The following DSC2 variants were observed in gnomAD, a reference collection of about 807,000 sequenced individuals.
DSC2 encodes desmocollin 2, also known as desmocollin-2.
In DSC2, 51 loss-of-function variants were observed where a neutral mutation model predicts 87.6. The observed-to-expected ratio is 0.58, with a 90% CI of 0.46 to 0.74. The LOEUF (loss-of-function observed/expected upper bound fraction) is 0.74, where lower values mean the gene tolerates loss of function less well. Among genes scored for constraint, DSC2 ranks in the 30% least tolerant of loss-of-function variants. The probability of loss-of-function intolerance (pLI) is 0.00; values close to 1 mark genes in which losing one functional copy is unlikely to be tolerated. For missense variants in DSC2, 1,066 were observed against 1,089.5 expected, an observed-to-expected ratio of 0.98 and a Z score of 0.30; for synonymous variants, 383 against 393.2, an observed-to-expected ratio of 0.97 and a Z score of 0.31.
chr18:31,076,203 G>A (rs1211666146), intron 11 of DSC2, among the ~76,000 whole-genome samples: 1 of 152,168 alleles, frequency 6.6e-6, no homozygotes, highest in Non-Finnish European at 1.5e-5. Context: ...CTCAGCCAGA[G>A]CACCTGCAGC....
chr18:31,059,818 G>C lies in DSC2; in HGVS notation c.*8197C>G, dbSNP rs1054399770. 6.6e-6 allele frequency: 1 copy of C among 152,088 alleles called. No individual in the cohort carries two copies. Among genetic ancestry groups the C allele is most frequent in the Non-Finnish European group, 1.5e-5 (1 of 68,012 alleles). The allele number at this position is 152,088 out of a possible 1,614,324, so 9.4% of individuals were successfully genotyped here. On this transcript the variant is annotated 3_prime_UTR_variant, in exon 16 of 16. Coordinates refer to ENST00000280904, the MANE Select transcript of DSC2 (RefSeq NM_024422.6). Reference sequence around the variant, plus strand: ...TTATGTCTTTTCCCATTTAATTAAAGTTTTCAAAATAAAATGATTGCATGA... The same window carrying C: ...TTATGTCTTTTCCCATTTAATTAAACTTTTCAAAATAAAATGATTGCATGA...
At chr18:31,075,480 A>G (rs1179098227) in intron 11 of DSC2, among the ~76,000 whole-genome samples, 1 of 152,246 alleles carries the variant, frequency 6.6e-6, no homozygotes, top group Non-Finnish European at 1.5e-5. Flanking sequence ...CTCCAGGAGT[A>G]GAAAATTACT....
At position 31,071,698 on chromosome 18, in the gene DSC2, T is replaced by C. The variant is rs1986837133; in HGVS notation, c.2032A>G (p.Thr678Ala). 1 of 1,614,012 alleles carries C rather than the reference T, an allele frequency of 6.2e-7. No individual in the cohort carries two copies. Among genetic ancestry groups the C allele is most frequent in the Non-Finnish European group, 8.5e-7 (1 of 1,180,012 alleles). ...CCAATCCTTGGATCTACACGATGTG[T>C]GCAGTCATTTTCGGTAATGCAGTCA... Reference protein sequence around the residue: ...LCDCITENDCTHRVDPRIGGG... With the variant: ...LCDCITENDCAHRVDPRIGGG... The change falls in exon 13 of 16, where the codon ACA becomes GCA. Residue 678 changes from threonine to alanine, a missense_variant. Thr to Ala is a moderately conservative substitution (Grantham distance 58). Transcript: ENST00000280904.
chr18:31,091,981 G>T, intron 3 of DSC2, 120 bp downstream of exon 3: 1 of 1,026,428 alleles, frequency 9.7e-7, no homozygotes, highest in Middle Eastern at 3.3e-4. Flanking sequence ...TTGCCTCATG[G>T]TTTTCATTCG....
At chr18:31,095,845 G>A (rs1024444070) in intron 1 of DSC2, among the ~76,000 whole-genome samples, 11 of 152,056 alleles carry the variant, frequency 7.2e-5, no homozygotes, top group African/African-American at 2.7e-4. Flanking sequence ...GAGGTCACCT[G>A]AAGAGCGGCT....
intron 1 of DSC2, 167 bp downstream of exon 1, chr18:31,101,736 T>C (rs1987965222): frequency 1.4e-6 from 1 of 692,218 alleles, no homozygotes; most frequent in Non-Finnish European, 2.4e-6. Context: ...CGCGATCCTC[T>C]TCCTATCTGC....
intron 7 of DSC2, among the ~76,000 whole-genome samples, chr18:31,083,545 T>G (rs530738813): frequency 6.6e-6 from 1 of 152,106 alleles, no homozygotes; most frequent in African/African-American, 2.4e-5. Flanking sequence ...TACATTCTTA[T>G]GTTCAAAAAA....
chr18:31,082,764 G>A (rs531114756), intron 8 of DSC2, among the ~76,000 whole-genome samples, 162 bp downstream of exon 8: 2 of 152,226 alleles, frequency 1.3e-5, no homozygotes, highest in South Asian at 2.1e-4. Flanking sequence ...CACCATGTTG[G>A]CCAGGCTGTT....
rs143040393 is a variant in DSC2, at chr18:31,074,782, C to A, written c.1789G>T (p.Val597Phe). 148 of 1,614,014 alleles carry A rather than the reference C, an allele frequency of 9.2e-5. No individual in the cohort carries two copies. The African/African-American group carries it at 1.8e-3, about 19-fold the overall frequency. Residue 597 changes from valine to phenylalanine, a missense_variant, in exon 12 of 16, where the codon GTT (valine) becomes TTT (phenylalanine). Val to Phe is a conservative substitution (Grantham distance 50). Transcript: ENST00000280904. ...PTMSSAEIVA[V>F]DPDEPIHGPP... Reference sequence around the variant, plus strand: ...CCATGGATAGGCTCATCAGGATCAACCGCAACAATCTCCGCAGATGACATG... The same window carrying A: ...CCATGGATAGGCTCATCAGGATCAAACGCAACAATCTCCGCAGATGACATG...
In DSC2 at chr18:31,068,930, C is replaced by T. The variant is rs374348925; in HGVS notation, c.2472G>A (p.Ser824=). The T allele has an allele frequency of 6.8e-6, 11 of 1,613,810 alleles. No homozygotes were observed. Among genetic ancestry groups the T allele is most frequent in the South Asian group, 3.3e-5 (3 of 91,060 alleles). ...GGGGCTGAGTAAAACTGTGCCACTC[C>T]GAGTAAGTGTATCTGCAGTTGTCCA... The part of the protein sequence containing the change: ...TEVDNCRYTY[S]EWHSFTQPRL... The change falls in exon 15 of 16, where the codon TCG becomes TCA. Residue 824 remains serine (S), a synonymous_variant. Coordinates refer to ENST00000280904, the MANE Select transcript of DSC2 (RefSeq NM_024422.6).
Position 31,068,183 on chromosome 18 carries a change from A to G in DSC2, c.2538T>C (p.Asn846=). The change falls in exon 16 of 16, where the codon AAT becomes AAC. Residue 846 remains asparagine, a synonymous_variant. Transcript: ENST00000280904. ...EKVYLCNQDE[N]HKHAQDYVLT... The stretch of plus-strand genomic sequence containing the variant: ...GGACATAGTCTTGGGCATGCTTGTG[A>G]TTTTCATCTTGATTACACAGATACA... The G allele has an allele frequency of 6.2e-7, 1 of 1,614,018 alleles. No individual in the cohort carries two copies. The highest frequency in any genetic ancestry group is 8.5e-7 in the Non-Finnish European group (1 of 1,179,988).
intron 8 of DSC2, 150 bp from the exon 9 acceptor site, chr18:31,082,573 G>A (rs770556435): frequency 3.9e-6 from 3 of 771,498 alleles, no homozygotes; most frequent in Non-Finnish European, 6.4e-6. Context: ...ATGTCACTGG[G>A]GCACTTCATT....
Position 31,070,814 on chromosome 18 carries a change from G to T in DSC2, c.2162C>A (p.Thr721Lys), listed in dbSNP as rs759513934. ...LFTLVCGASG[T>K]SKQPKVIPDD... Reference sequence around the variant, plus strand: ...AGGAATTACTTTTGGTTGTTTAGACGTCCCAGAAGCCCCACAGACCAGCGT... The same window carrying T: ...AGGAATTACTTTTGGTTGTTTAGACTTCCCAGAAGCCCCACAGACCAGCGT... Residue 721 changes from threonine to lysine, a missense_variant, in exon 14 of 16, where the codon ACG becomes AAG. Physicochemically the swap from Thr to Lys is moderately conservative, Grantham distance 78. Transcript: ENST00000280904. 12 of 1,613,812 alleles carry T rather than the reference G, an allele frequency of 7.4e-6. No homozygotes were observed. In the East Asian group the frequency reaches 1.6e-4, roughly 21 times the overall value.
At position 31,089,440 on chromosome 18, in the gene DSC2, T is replaced by G; in HGVS notation, c.629A>C (p.Glu210Ala). Residue 210 changes from glutamate (E) to alanine (A), a missense_variant and splice_region_variant, in exon 5 of 16, where the codon GAG (glutamate) becomes GCG (alanine). Coordinates refer to ENST00000280904, the MANE Select transcript of DSC2 (RefSeq NM_024422.6). ...CAGTACACACATTTTAGACTTTACC[T>G]CAAAAGATTCATACTGCTCACGATC... The part of the protein sequence containing the change: ...PVDREQYESF[E>A]IIAFATTPDG... 6.2e-7 allele frequency: 1 copy of G among 1,613,778 alleles called. No homozygotes were observed. Among genetic ancestry groups the G allele is most frequent in the Non-Finnish European group, 8.5e-7 (1 of 1,179,858 alleles).
Position 31,080,180 on chromosome 18 carries a change from C to G in DSC2, c.1436G>C (p.Arg479Pro), listed in dbSNP as rs774641579. Residue 479 changes from arginine to proline, a missense_variant, in exon 10 of 16, where the codon CGC becomes CCC. Arg to Pro is a moderately radical substitution (Grantham distance 103). Transcript: ENST00000280904. ...PECNPPIQTV[R>P]MKENAEVGTT... ...TCCCACTTCTGCATTTTCTTTCATG[C>G]GAACAGTCTGTATTGGAGGGTTACA... The G allele has an allele frequency of 6.8e-6, 11 of 1,613,870 alleles. No homozygotes were observed. Among genetic ancestry groups the G allele is most frequent in the African/African-American group, 1.3e-5 (1 of 74,862 alleles).
chr18:31,082,476 G>T, intron 8 of DSC2, 53 bp from the exon 9 acceptor site: 2 of 1,485,374 alleles, frequency 1.3e-6, no homozygotes, highest in South Asian at 2.3e-5. Context: ...CACAAAAATT[G>T]AACACGATGT....
rs1358379540 is a variant in DSC2 at position 31,064,247 on chromosome 18, A to C, written c.*3768T>G. On this transcript the variant is annotated 3_prime_UTR_variant, in exon 16 of 16. Transcript: ENST00000280904. ...CCAGGCATTGTGTGATGTGTTTTAC[A>C]GGCATTAGCCCACTCCTTACATCCA... 6.6e-6 allele frequency: 1 copy of C among 152,198 alleles called. No homozygotes were observed. Among genetic ancestry groups the C allele is most frequent in the East Asian group, 1.9e-4 (1 of 5,190 alleles). 9.4% of individuals were successfully genotyped at this position (152,198 alleles called of 1,614,324 possible).
chr18:31,063,592 C>T lies in DSC2; in HGVS notation c.*4423G>A, dbSNP rs1459961344. On this transcript the variant is annotated 3_prime_UTR_variant, in exon 16 of 16. Coordinates refer to ENST00000280904, the MANE Select transcript of DSC2 (RefSeq NM_024422.6). ...AAGAGAACTAATCATGAGCAAGGCA[C>T]AAATTGAAAAATGAAGGATACAAGG... 2 of 151,950 alleles carry T rather than the reference C, an allele frequency of 1.3e-5. No homozygotes were observed. Among genetic ancestry groups the T allele is most frequent in the Admixed American group, 6.6e-5 (1 of 15,246 alleles). The allele number at this position is 151,950 out of a possible 1,614,324, so 9.4% of individuals were successfully genotyped here. A position where few individuals can be genotyped will look rare whatever the true frequency, so the allele number is the denominator to read the frequency against.
chr18:31,080,414 A>G, intron 9 of DSC2, 62 bp from the exon 10 acceptor site: 2 of 1,570,818 alleles, frequency 1.3e-6, no homozygotes, highest in South Asian at 2.3e-5. Flanking sequence ...AATGCTAACG[A>G]GTATATATAA....
Sources: gnomAD v4.1 joint callset for allele counts (sites outside exome capture counted in the v4.1 genomes callset) on GRCh38, gnomAD v4.1.1 for gene constraint, MANE v1.5 for transcripts, NCBI Gene and HGNC (gene_info 2026-07-23, HGNC 2026-07-21) for gene names.